Variants in PBRM1 observed in about 807,000 individuals in gnomAD.
PBRM1 encodes the protein polybromo 1.
In PBRM1, 27 loss-of-function variants were observed where a neutral mutation model predicts 194.5. The ratio of observed to expected loss-of-function variants is 0.14; its 90% confidence interval spans 0.10 to 0.19. PBRM1 has a LOEUF of 0.19. PBRM1 is among the 10% of genes least tolerant of loss of function. The pLI is 1.00. For missense variants in PBRM1, 1,466 were observed against 2,077.2 expected, an observed-to-expected ratio of 0.71 and a Z score of 5.72; for synonymous variants, 655 against 693.2, an observed-to-expected ratio of 0.94 and a Z score of 0.87.
At chr3:52,576,174 A>G (rs1335032625) in intron 22 of PBRM1, among the ~76,000 whole-genome samples, 1 of 152,174 alleles carries the variant, frequency 6.6e-6, no homozygotes, top group East Asian at 1.9e-4. Context: ...ATATTTGAAG[A>G]AATGGCCAAA....
At chr3:52,650,806 T>C (rs1249523977) in intron 6 of PBRM1, among the ~76,000 whole-genome samples, 3 of 152,234 alleles carry the variant, frequency 2.0e-5, no homozygotes, top group African/African-American at 7.2e-5. Flanking sequence ...GTAGTAGAGC[T>C]AGAAAAACAA....
At chr3:52,643,099 C>T (rs1370313696) in intron 9 of PBRM1, 149 bp downstream of exon 10, 4 of 644,146 alleles carry the variant, frequency 6.2e-6, no homozygotes, top group East Asian at 2.7e-5. Flanking sequence ...AGTAACTCAA[C>T]CTTTTAAATA....
chr3:52,571,126 C>T (rs2086993697), intron 22 of PBRM1, among the ~76,000 whole-genome samples: 1 of 151,982 alleles, frequency 6.6e-6, no homozygotes, highest in Non-Finnish European at 1.5e-5. Context: ...AGATTGAGAC[C>T]ATCCTGGTCA....
intron 22 of PBRM1, among the ~76,000 whole-genome samples, chr3:52,575,662 T>C (rs1247595349): frequency 5.5e-5 from 8 of 145,688 alleles, no homozygotes; most frequent in Non-Finnish European, 9.0e-5. Flanking sequence ...TGTGCCACCA[T>C]GCCCAAATAA....
At position 52,634,849 on chromosome 3, in the gene PBRM1, G is replaced by T. The variant is rs768077725; in HGVS notation, c.1088-34C>A. ...ACAAAAAAAGTATTTATAAAGGGAC[G>T]AATGAGATGAAGAAAGAACCATACT... On this transcript the variant is annotated intron_variant, in intron 10 of 29. Coordinates refer to ENST00000296302, the Ensembl canonical transcript of PBRM1. 6.4e-6 allele frequency: 9 copies of T among 1,405,788 alleles called. No individual in the cohort carries two copies. In the South Asian group the frequency reaches 9.5e-5, roughly 15 times the overall value. 87.1% of individuals were successfully genotyped at this position (1,405,788 alleles called of 1,614,324 possible).
chr3:52,658,267 T>C lies in PBRM1; in HGVS notation c.577A>G (p.Ile193Val), dbSNP rs763396689. The C allele has an allele frequency of 6.2e-6, 10 of 1,613,016 alleles. No individual in the cohort carries two copies. The Admixed American group carries it at 1.3e-4, about 22-fold the overall frequency. Residue 193 changes from isoleucine to valine, a missense_variant, in exon 5 of 30, where the codon ATA becomes GTA. This residue lies in a region of PBRM1 where 457 missense variants were observed against 591.6 expected (regional missense o/e 0.77). Coordinates refer to ENST00000296302, the Ensembl canonical transcript of PBRM1. ...CCTGATGGATTTGTAGCTACAACTA[T>C]GGCTTCAAGAAGCTGCTCCAGGATC...
intron 17 of PBRM1, among the ~76,000 whole-genome samples, chr3:52,595,317 G>A (rs2093444663): frequency 6.6e-6 from 1 of 152,082 alleles, no homozygotes. Context: ...CTCAGCTCAG[G>A]ACTCCTGGAC....
intron 11 of PBRM1, among the ~76,000 whole-genome samples, chr3:52,631,388 G>A (rs2095613420): frequency 6.6e-6 from 1 of 152,012 alleles, no homozygotes; most frequent in Non-Finnish European, 1.5e-5. Flanking sequence ...TACTTTGTTA[G>A]CCAGCCTTAT....
rs183026128 is a variant in PBRM1, at chr3:52,656,646, C to T, written c.645+1553G>A. The stretch of plus-strand genomic sequence containing the variant: ...CGCCATTGCACTTCAGCCTGGGTGA[C>T]AGAACGAGACTCCGTCTCAACAATT... On this transcript the variant is annotated intron_variant, in intron 5 of 29. Coordinates refer to ENST00000296302, the Ensembl canonical transcript of PBRM1. 2.7e-3 allele frequency among the ~76,000 whole-genome samples: 409 copies of T among 152,160 alleles called. 7 individuals carry two copies. The highest frequency in any genetic ancestry group is 0.018 in the Admixed American group (278 of 15,296).
At chr3:52,614,321 C>A (rs1437054087) in intron 15 of PBRM1, among the ~76,000 whole-genome samples, 1 of 128,550 alleles carries the variant, frequency 7.8e-6, no homozygotes, top group Non-Finnish European at 1.6e-5. Context: ...TTGCAGTGAG[C>A]CAAGATCACA....
chr3:52,564,443 C>T (rs1223440685), intron 22 of PBRM1, among the ~76,000 whole-genome samples: 1 of 151,914 alleles, frequency 6.6e-6, no homozygotes, highest in Non-Finnish European at 1.5e-5. Flanking sequence ...GAGTTTGAGA[C>T]CAGCCTGGGC....
exon 2 of PBRM1, chr3:52,678,538 T>C (rs778224206): frequency 6.8e-6 from 11 of 1,613,550 alleles, no homozygotes; most frequent in African/African-American, 1.3e-5. Context: ...CACAGAGAAG[T>C]CTGCCCTGTT....
chr3:52,576,241 A>G (rs1392299179), intron 22 of PBRM1, among the ~76,000 whole-genome samples: 1 of 152,212 alleles, frequency 6.6e-6, no homozygotes, highest in South Asian at 2.1e-4. Flanking sequence ...GGAGAATTCT[A>G]TATCTAGGAA....
exon 25 of PBRM1, chr3:52,561,879 C>T: frequency 6.2e-7 from 1 of 1,614,184 alleles, no homozygotes; most frequent in Non-Finnish European, 8.5e-7. Flanking sequence ...CAGCCCTCAT[C>T]TCACTGCTGA....
At chr3:52,677,314 G>A (rs894924883) in intron 2 of PBRM1, among the ~76,000 whole-genome samples, 12 of 152,000 alleles carry the variant, frequency 7.9e-5, no homozygotes, top group African/African-American at 2.9e-4. Context: ...CGGGATCTCA[G>A]CTCACTGCAA....
At chr3:52,682,523 T>C (rs1197966038), upstream of PBRM1, among the ~76,000 whole-genome samples, 2 of 152,212 alleles carry the variant, frequency 1.3e-5, no homozygotes, top group Non-Finnish European at 2.9e-5. Flanking sequence ...CTTGAATCAT[T>C]AATTTACTTT....
In PBRM1 at chr3:52,660,594, C is replaced by T. The variant is rs543508578; in HGVS notation, c.528+1539G>A. 3.3e-5 allele frequency among the ~76,000 whole-genome samples: 5 copies of T among 152,122 alleles called. No homozygotes were observed. The South Asian group carries it at 1.0e-3, about 32-fold the overall frequency. On this transcript the variant is annotated intron_variant, in intron 4 of 29. Coordinates refer to ENST00000296302, the Ensembl canonical transcript of PBRM1. ...GTGGCATGATCTCAGCTCATTGCAA[C>T]CTCTGCCTCCCGGGTTCAAGCGATT... is the stretch of plus-strand genomic sequence containing the variant.
intron 16 of PBRM1, among the ~76,000 whole-genome samples, chr3:52,604,202 C>A (rs937434239): frequency 6.6e-6 from 1 of 152,182 alleles, no homozygotes; most frequent in Admixed American, 6.5e-5. Flanking sequence ...GTTGCCTAGG[C>A]TAGTGAGACC....
intron 15 of PBRM1, 87 bp downstream of exon 17, chr3:52,615,263 TC>T (rs2094895989): frequency 1.4e-6 from 1 of 734,370 alleles, no homozygotes; most frequent in Non-Finnish European, 2.4e-6. Context: ...TCAAATATAT[TC>T]ATAATTTAAT....
Sources: gnomAD v4.1 joint callset for allele counts (sites outside exome capture counted in the v4.1 genomes callset) on GRCh38, gnomAD v4.1.1 for gene constraint, gnomAD v4.1.1 regional missense constraint, MANE v1.5 for transcripts, NCBI Gene and HGNC (gene_info 2026-07-23, HGNC 2026-07-21) for gene names.